FA2H: variants seen among roughly 807,000 people sequenced by gnomAD.
FA2H encodes the protein fatty acid alpha-hydroxylase.
Under a neutral mutation model 44.9 loss-of-function variants are expected in FA2H, and 22 were observed. The ratio of observed to expected loss-of-function variants is 0.49; its 90% confidence interval spans 0.35 to 0.70. The LOEUF (loss-of-function observed/expected upper bound fraction) is 0.70, where lower values mean the gene tolerates loss of function less well. Among genes scored for constraint, FA2H ranks in the 30% least tolerant of loss-of-function variants. FA2H has a pLI of 0.01. For synonymous variants in FA2H, 243 were observed against 213.2 expected (o/e 1.14, Z -1.22); for missense variants, 501 against 504.9 (o/e 0.99, Z 0.07).
intron 1 of FA2H, among the ~76,000 whole-genome samples, chr16:74,767,593 C>G (rs560769875): frequency 6.6e-6 from 1 of 152,012 alleles, no homozygotes; most frequent in African/African-American, 2.4e-5. Flanking sequence ...TAGGAGGAGA[C>G]GCAGCAACAG....
chr16:74,765,437 A>T (rs1048311087), intron 1 of FA2H, among the ~76,000 whole-genome samples: 5 of 152,250 alleles, frequency 3.3e-5, no homozygotes, highest in African/African-American at 9.6e-5. Flanking sequence ...GATTACAGGC[A>T]TGAGCCACCG....
chr16:74,753,249 A>C lies in FA2H; in HGVS notation c.271-13134T>G, dbSNP rs557927435. On this transcript the variant is annotated intron_variant, in intron 1 of 6. Coordinates refer to ENST00000219368, the MANE Select transcript of FA2H (RefSeq NM_024306.5). ...TTAGATACAGAGCCAGAACTAGAGCACAGTCTTAGGCTCCAGATCCTAGAC... is the reference window on the plus strand; with the variant it reads ...TTAGATACAGAGCCAGAACTAGAGCCCAGTCTTAGGCTCCAGATCCTAGAC... Among the ~76,000 whole-genome samples, 3 of 152,354 alleles carry C rather than the reference A, an allele frequency of 2.0e-5. No individual in the cohort carries two copies. The East Asian group carries it at 5.8e-4, about 29-fold the overall frequency.
chr16:74,720,180 CTTTTTTTTTTTTTTTTTT>C lies in FA2H; in HGVS notation c.614-1038_614-1021del, dbSNP rs56341013. On this transcript the variant is annotated intron_variant, in intron 4 of 6. Transcript: ENST00000219368. ...TTTGCTCCATATATTCATCCTCATC[CTTTTTTTTTTTTTTTTTT>C]TTTTTTTTTTTTTGTGAGATAGAGT... 4.0e-4 allele frequency among the ~76,000 whole-genome samples: 19 copies of C among 47,244 alleles called. 1 individual carries two copies. Among genetic ancestry groups the C allele is most frequent in the African/African-American group, 1.6e-3 (16 of 9,824 alleles). The allele number at this position is 47,244 out of a possible 152,430, so 31.0% of individuals were successfully genotyped here.
intron 1 of FA2H, among the ~76,000 whole-genome samples, chr16:74,769,976 C>T (rs1962876419): frequency 6.6e-6 from 1 of 152,198 alleles, no homozygotes; most frequent in Non-Finnish European, 1.5e-5. Context: ...AATGTGTGTA[C>T]CTACAGAGGG....
intron 1 of FA2H, among the ~76,000 whole-genome samples, chr16:74,758,181 T>G (rs1962645990): frequency 6.9e-6 from 1 of 144,620 alleles, no homozygotes. Flanking sequence ...AGTGCAATGG[T>G]GTGATCTTGG....
At chr16:74,740,480 C>T (rs745793881) in intron 1 of FA2H, among the ~76,000 whole-genome samples, 1 of 151,430 alleles carries the variant, frequency 6.6e-6, no homozygotes, top group Non-Finnish European at 1.5e-5. Context: ...GTTTACCAGG[C>T]GTGGTGGTGC....
intron 2 of FA2H, 88 bp from the exon 3 acceptor site, chr16:74,727,474 C>T (rs1469191355): frequency 7.2e-7 from 1 of 1,390,960 alleles, no homozygotes; most frequent in Admixed American, 1.7e-5. Flanking sequence ...TCCCAATCCC[C>T]TGCTCCTACC....
chr16:74,752,768 G>T (rs917128402), intron 1 of FA2H, among the ~76,000 whole-genome samples: 4 of 152,196 alleles, frequency 2.6e-5, no homozygotes, highest in African/African-American at 9.7e-5. Flanking sequence ...ACAAACTGGG[G>T]CCTTGGCCAG....
At chr16:74,727,211 G>A in intron 3 of FA2H, 33 bp downstream of exon 3, 1 of 1,613,640 alleles carries the variant, frequency 6.2e-7, no homozygotes, top group Non-Finnish European at 8.5e-7. Context: ...AGAAGAGAGG[G>A]ACAGCCTGCC....
Position 74,744,394 on chromosome 16 carries a change from A to G in FA2H, c.271-4279T>C, listed in dbSNP as rs138282744. 7.0e-3 allele frequency among the ~76,000 whole-genome samples: 1,063 copies of G among 152,124 alleles called. 5 individuals are homozygous for G. The highest frequency in any genetic ancestry group is 0.02 in the Middle Eastern group (6 of 294). ...CTTTAAAAACCAAAAAGTGCCTCAA[A>G]TGAAGATATGTGTGCTTTCTTTTTT... On this transcript the variant is annotated intron_variant, in intron 1 of 6. Transcript: ENST00000219368.
intron 4 of FA2H, among the ~76,000 whole-genome samples, chr16:74,723,581 T>A (rs1298225818): frequency 1.3e-5 from 2 of 152,110 alleles, no homozygotes; most frequent in African/African-American, 4.8e-5. Context: ...GTTACTGACA[T>A]CCACATATTA....
intron 1 of FA2H, among the ~76,000 whole-genome samples, chr16:74,766,207 G>C (rs1203999522): frequency 2.0e-5 from 3 of 152,082 alleles, no homozygotes; most frequent in Non-Finnish European, 4.4e-5. Flanking sequence ...GCTGAGGCAG[G>C]AGAATCACTT....
chr16:74,772,709 A>G (rs1962931886), intron 1 of FA2H, among the ~76,000 whole-genome samples: 1 of 152,224 alleles, frequency 6.6e-6, no homozygotes, highest in African/African-American at 2.4e-5. Flanking sequence ...CCCCTTATCC[A>G]CGGTTTCACT....
intron 1 of FA2H, among the ~76,000 whole-genome samples, chr16:74,746,747 G>A (rs1876873629): frequency 6.6e-6 from 1 of 152,126 alleles, no homozygotes; most frequent in South Asian, 2.1e-4. Context: ...CGAGAGCAGG[G>A]GTTTTCTTCT....
At chr16:74,764,042 A>G (rs1962761294) in intron 1 of FA2H, among the ~76,000 whole-genome samples, 1 of 152,200 alleles carries the variant, frequency 6.6e-6, no homozygotes. Flanking sequence ...TTGGAAGTTC[A>G]TATTTCTCAG....
At chr16:74,749,034 G>C (rs1456034492) in intron 1 of FA2H, among the ~76,000 whole-genome samples, 2 of 152,180 alleles carry the variant, frequency 1.3e-5, no homozygotes, top group South Asian at 4.1e-4. Flanking sequence ...GCAGGCCCCA[G>C]AGGGAGATGA....
At chr16:74,770,480 G>T (rs1331509223) in intron 1 of FA2H, among the ~76,000 whole-genome samples, 1 of 152,210 alleles carries the variant, frequency 6.6e-6, no homozygotes, top group Non-Finnish European at 1.5e-5. Flanking sequence ...CTGGGCTCCA[G>T]TGATCCTCTC....
chr16:74,741,773 AATATATATAT>A lies in FA2H; in HGVS notation c.271-1668_271-1659del, dbSNP rs57773726. 4.3e-3 allele frequency among the ~76,000 whole-genome samples: 208 copies of A among 48,068 alleles called. 2 individuals carry two copies. The highest frequency in any genetic ancestry group is 0.011 in the Middle Eastern group (1 of 88). 31.5% of individuals were successfully genotyped at this position (48,068 alleles called of 152,430 possible). A position where few individuals can be genotyped will look rare whatever the true frequency, so the allele number is the denominator to read the frequency against. ...ACCGTGCTGGGCCAACACCTGATTA[AATATATATAT>A]ATATATATATATATATATATATATA... On this transcript the variant is annotated intron_variant, in intron 1 of 6. Coordinates refer to ENST00000219368, the MANE Select transcript of FA2H (RefSeq NM_024306.5).
intron 1 of FA2H, among the ~76,000 whole-genome samples, chr16:74,747,885 A>G (rs1962455265): frequency 1.3e-5 from 2 of 152,254 alleles, no homozygotes; most frequent in Admixed American, 1.3e-4. Context: ...GAATCAGCTA[A>G]TCAGTTTCAT....
Sources: allele counts gnomAD v4.1 joint callset (sites outside exome capture counted in the v4.1 genomes callset), GRCh38; gene constraint gnomAD v4.1.1; transcripts MANE v1.5; gene names NCBI Gene and HGNC (gene_info 2026-07-23, HGNC 2026-07-21).